Variants in GPHN observed in about 807,000 individuals in gnomAD.
GPHN encodes the protein gephyrin.
A neutral mutation model predicts 95.5 loss-of-function variants in GPHN; 17 were observed. The ratio of observed to expected loss-of-function variants is 0.18; its 90% confidence interval spans 0.12 to 0.27. The LOEUF is 0.27. Among genes scored for constraint, GPHN ranks in the 10% least tolerant of loss-of-function variants. GPHN has a pLI of 1.00. For missense variants in GPHN, 660 were observed against 978.1 expected (o/e 0.67, Z 4.34); for synonymous variants, 320 against 322.5 (o/e 0.99, Z 0.08).
At chr14:67,099,336 G>A (rs1251156180) in intron 12 of GPHN, among the ~76,000 whole-genome samples, 1 of 151,938 alleles carries the variant, frequency 6.6e-6, no homozygotes, top group South Asian at 2.1e-4. Context: ...TGGTCAGGCT[G>A]GTCTTGAACT....
the GPHN span, chr14:67,392,578 T>C: frequency 1.5e-6 from 2 of 1,344,648 alleles, no homozygotes; most frequent in East Asian, 2.3e-5. Context: ...TCTCCTCCCA[T>C]GACTGTGGCC....
chr14:67,645,785 A>G, the GPHN span: 1 of 1,613,958 alleles, frequency 6.2e-7, no homozygotes, highest in Non-Finnish European at 8.5e-7. Context: ...ATTTCTCCTC[A>G]GAGAACTACA....
rs750672147 is a variant in GPHN at position 66,508,597 on chromosome 14, C to G, written c.64+6C>G. ...CCGTGTCGGAGTCCTTACAGGTAACCGGGGGAGGAGGTCTGGGACCTATGA... is the reference window on the plus strand; with the variant it reads ...CCGTGTCGGAGTCCTTACAGGTAACGGGGGGAGGAGGTCTGGGACCTATGA... On this transcript the variant is annotated splice_donor_region_variant and intron_variant, in intron 1 of 22. Coordinates refer to ENST00000478722, the MANE Select transcript of GPHN (RefSeq NM_020806.5). 18 of 1,611,452 alleles carry G rather than the reference C, an allele frequency of 1.1e-5. No individual in the cohort carries two copies. The highest frequency in any genetic ancestry group is 1.3e-5 in the African/African-American group (1 of 74,882).
chr14:67,338,339 G>T, the GPHN span: 1 of 270,674 alleles, frequency 3.7e-6, no homozygotes, highest in Non-Finnish European at 6.9e-6. Flanking sequence ...TGCTTGGTAA[G>T]CAGATCACGT....
At chr14:67,347,276 A>T in the GPHN span, 1 of 715,642 alleles carries the variant, frequency 1.4e-6, no homozygotes, top group African/African-American at 1.8e-5. Context: ...TATTGTCCTG[A>T]CTATATCAAA....
chr14:67,667,899 G>A, the GPHN span, among the ~76,000 whole-genome samples: 5 of 152,034 alleles, frequency 3.3e-5, no homozygotes, highest in African/African-American at 4.8e-5. Flanking sequence ...AGCCGAGATC[G>A]CGCCACTGCA....
In GPHN at chr14:66,621,644, C is replaced by G. The variant is rs547719239; in HGVS notation, c.65-59463C>G. On this transcript the variant is annotated intron_variant, in intron 1 of 22. Coordinates refer to ENST00000478722, the MANE Select transcript of GPHN (RefSeq NM_020806.5). ...TTCACCATGTTAGCCAGGATGGTCT[C>G]GATCTCCTGACCTTGTGATCCACCG... 1.4e-3 allele frequency among the ~76,000 whole-genome samples: 207 copies of G among 151,782 alleles called. 1 individual carries two copies. The highest frequency in any genetic ancestry group is 0.014 in the Middle Eastern group (4 of 294).
the GPHN span, chr14:67,473,721 C>T: frequency 1.9e-6 from 3 of 1,607,036 alleles, no homozygotes; most frequent in Non-Finnish European, 1.7e-6. The surrounding 1 kb of genome is among the most constrained non-coding windows in gnomAD (Gnocchi z 6.5). Flanking sequence ...GCAGCGGCCG[C>T]GCAGCCGCAG....
the GPHN span, among the ~76,000 whole-genome samples, chr14:67,716,403 C>T: frequency 6.6e-6 from 1 of 152,078 alleles, no homozygotes; most frequent in African/African-American, 2.4e-5. Context: ...AAAAAAAATT[C>T]CATTTATGTT....
chr14:67,710,352 A>T, the GPHN span, among the ~76,000 whole-genome samples: 3 of 152,184 alleles, frequency 2.0e-5, no homozygotes, highest in Non-Finnish European at 4.4e-5. Flanking sequence ...TTTTTTTCCT[A>T]AGCAAACCAA....
chr14:67,560,889 C>A, the GPHN span, among the ~76,000 whole-genome samples: 2 of 152,158 alleles, frequency 1.3e-5, no homozygotes, highest in African/African-American at 4.8e-5. Flanking sequence ...CGCCACCACG[C>A]CTGGCTAATT....
downstream of GPHN, among the ~76,000 whole-genome samples, chr14:67,183,042 T>C (rs1232181238): frequency 1.3e-5 from 2 of 151,812 alleles, no homozygotes. Flanking sequence ...AAGGTAGAAT[T>C]TTGAAGATGA....
At chr14:67,004,729 T>C (rs543990964) in intron 9 of GPHN, among the ~76,000 whole-genome samples, 69 of 151,930 alleles carry the variant, frequency 4.5e-4, no homozygotes, top group Non-Finnish European at 6.6e-4. Context: ...TAGAATAGAC[T>C]TGAGTTTTTG....
At chr14:67,211,938 ACTT>A in the GPHN span, among the ~76,000 whole-genome samples, 2 of 152,188 alleles carry the variant, frequency 1.3e-5, no homozygotes, top group Non-Finnish European at 2.9e-5. Context: ...TCCCTGCAAA[ACTT>A]CTCAAAAACG....
the GPHN span, among the ~76,000 whole-genome samples, chr14:67,612,155 C>T: frequency 0.031 from 4,738 of 152,202 alleles, 227 homozygotes; most frequent in African/African-American, 0.11. Context: ...GCTTGCTTGC[C>T]CACCTGCTAC....
At chr14:66,839,087 A>G (rs2061973822) in intron 4 of GPHN, among the ~76,000 whole-genome samples, 2 of 152,238 alleles carry the variant, frequency 1.3e-5, no homozygotes, top group South Asian at 2.1e-4. Flanking sequence ...ACCATTTTAG[A>G]TATTTATTAA....
At chr14:66,620,873 G>C (rs137998946) in intron 1 of GPHN, among the ~76,000 whole-genome samples, 97 of 152,262 alleles carry the variant, frequency 6.4e-4, no homozygotes, top group African/African-American at 2.3e-3. Context: ...GGAGGTACAG[G>C]CATTGGGTAA....
At chr14:66,921,240 G>T (rs1309810513) in intron 6 of GPHN, among the ~76,000 whole-genome samples, 2 of 152,032 alleles carry the variant, frequency 1.3e-5, no homozygotes, top group Non-Finnish European at 1.5e-5. Context: ...CCTGTTTACC[G>T]CATCCATGCC....
At chr14:67,586,139 G>A in the GPHN span, 3 of 1,606,936 alleles carry the variant, frequency 1.9e-6, no homozygotes, top group Admixed American at 1.7e-5. Flanking sequence ...CTGGCAAGAT[G>A]TGGTGGGCTT....
Sources: gnomAD v4.1 joint callset for allele counts (sites outside exome capture counted in the v4.1 genomes callset) on GRCh38, gnomAD v4.1.1 for gene constraint, Gnocchi (gnomAD v3.1) non-coding constraint, MANE v1.5 for transcripts, NCBI Gene and HGNC (gene_info 2026-07-23, HGNC 2026-07-21) for gene names.